NPHP4: variants seen among roughly 807,000 people sequenced by gnomAD.
NPHP4 encodes nephrocystin 4.
In NPHP4, 151 loss-of-function variants were observed where a neutral mutation model predicts 155.8. The ratio of observed to expected loss-of-function variants is 0.97; its 90% CI spans 0.85 to 1.11. The LOEUF is 1.11. Among genes scored for constraint, NPHP4 ranks in the 50% least tolerant of loss-of-function variants. The pLI is 0.00. For missense variants in NPHP4, 1,956 were observed against 1,925.7 expected (o/e 1.02, Z -0.29); for synonymous variants, 845 against 816.8 (o/e 1.03, Z -0.59).
chr1:5,865,250 G>A lies in NPHP4; in HGVS notation c.3668C>T (p.Thr1223Ile), dbSNP rs2100410280. 1.9e-6 allele frequency: 3 copies of A among 1,579,054 alleles called. No homozygotes were observed. The highest frequency in any genetic ancestry group is 2.6e-6 in the Non-Finnish European group (3 of 1,155,974). Residue 1223 changes from threonine (T) to isoleucine (I), a missense_variant, in exon 27 of 30, where the codon ACA becomes ATA. Transcript: ENST00000378156. The stretch of plus-strand genomic sequence containing the variant: ...GTGGAGGTAGACCTGCCACGTCTGT[G>A]TGGGTGTCGCCAGCCAGCGATCCCT... Reference protein sequence around the residue: ...IYSDRWLATPTQTWQVYLHSL... With the variant: ...IYSDRWLATPIQTWQVYLHSL...
chr1:5,983,208 G>A (rs1654992644), intron 2 of NPHP4, among the ~76,000 whole-genome samples: 1 of 152,208 alleles, frequency 6.6e-6, no homozygotes, highest in African/African-American at 2.4e-5. Flanking sequence ...TTATGAATCT[G>A]AATATAGTTC....
At position 5,964,941 on chromosome 1, in the gene NPHP4, A is replaced by ATTTTTTTTTTTTTTTTTTTTTT. The variant is rs55734317; in HGVS notation, c.517+2357_517+2358insAAAAAAAAAAAAAAAAAAAAAA. Among the ~76,000 whole-genome samples the ATTTTTTTTTTTTTTTTTTTTTT allele has an allele frequency of 6.7e-5, 4 of 59,418 alleles. 1 individual carries two copies. The East Asian group carries it at 1.5e-3, about 23-fold the overall frequency. The allele number at this position is 59,418 out of a possible 152,430, so 39.0% of individuals were successfully genotyped here. On this transcript the variant is annotated intron_variant, in intron 5 of 29. Coordinates refer to ENST00000378156, the MANE Select transcript of NPHP4 (RefSeq NM_015102.5). ...ATTATATATATATATATATATATAT[A>ATTTTTTTTTTTTTTTTTTTTTT]TTTTTTTTTTTTGAGGCAGGGTCTC...
intron 5 of NPHP4, among the ~76,000 whole-genome samples, chr1:5,963,930 T>C (rs34399687): frequency 0.17 from 26,177 of 152,108 alleles, 2,357 homozygotes; most frequent in African/African-American, 0.22. Context: ...TCAGGTGATC[T>C]GCCTGCCTTG....
At chr1:5,960,291 C>T (rs1650054220) in intron 6 of NPHP4, among the ~76,000 whole-genome samples, 1 of 152,148 alleles carries the variant, frequency 6.6e-6, no homozygotes, top group East Asian at 1.9e-4. Flanking sequence ...CTCACCCTCT[C>T]CTCCCTGGAA....
At chr1:5,900,244 C>T (rs1000703881) in intron 16 of NPHP4, among the ~76,000 whole-genome samples, 2 of 152,244 alleles carry the variant, frequency 1.3e-5, no homozygotes, top group African/African-American at 4.8e-5. Flanking sequence ...TATGTACACA[C>T]AACACCCTGT....
chr1:5,925,429 C>T (rs1645949703), intron 11 of NPHP4, among the ~76,000 whole-genome samples: 1 of 152,170 alleles, frequency 6.6e-6, no homozygotes, highest in Admixed American at 6.5e-5. Context: ...CGAGGGATAA[C>T]TCTAATCATG....
chr1:5,930,506 T>C (rs886264294), intron 10 of NPHP4, among the ~76,000 whole-genome samples: 1 of 152,258 alleles, frequency 6.6e-6, no homozygotes, highest in African/African-American at 2.4e-5. Flanking sequence ...TCACAATATC[T>C]TCTATTTTCC....
At position 5,889,938 on chromosome 1, in the gene NPHP4, G is replaced by A. The variant is rs1441868829; in HGVS notation, c.2304+930C>T. Among the ~76,000 whole-genome samples the A allele has an allele frequency of 6.6e-6, 1 of 152,246 alleles. No homozygotes were observed. The highest frequency in any genetic ancestry group is 1.5e-5 in the Non-Finnish European group (1 of 68,042). ...TCACAGGGAGCAGGGATGGAGCCTGGATCAGTCGGTCACACGGGGAGCCAA... is the reference window on the plus strand; with the variant it reads ...TCACAGGGAGCAGGGATGGAGCCTGAATCAGTCGGTCACACGGGGAGCCAA... On this transcript the variant is annotated intron_variant, in intron 17 of 29. Transcript: ENST00000378156. This position sits in a 1 kb window ranked among gnomAD's most constrained non-coding sequence, Gnocchi z 4.2.
At position 5,863,028 on chromosome 1, in the gene NPHP4, C is replaced by G. The variant is rs1333491971; in HGVS notation, c.*237G>C. 1 of 567,844 alleles carries G rather than the reference C, an allele frequency of 1.8e-6. No homozygotes were observed. The highest frequency in any genetic ancestry group is 1.9e-5 in the African/African-American group (1 of 53,452). The allele number at this position is 567,844 out of a possible 1,614,324, so 35.2% of individuals were successfully genotyped here. ...GCAGCACCAGAGCCAGACCCACCAC[C>G]ACGGAGTTCGCGCTCACGGAACCCA... On this transcript the variant is annotated 3_prime_UTR_variant, in exon 30 of 30. Transcript: ENST00000378156.
chr1:5,875,079 G>A lies in NPHP4; in HGVS notation c.2839C>T (p.Gln947Ter). Residue 947 changes from glutamine to a stop codon, truncating the protein, a stop_gained, in exon 21 of 30, where the codon CAG becomes TAG. Coordinates refer to ENST00000378156, the MANE Select transcript of NPHP4 (RefSeq NM_015102.5). LOFTEE classifies it high-confidence loss of function. Reference sequence around the variant, plus strand: ...ATGACCTGTAGGTCCCGCAAGTGCTGTGTGCGGACGCTCTGCTGCGCCTGC... The same window carrying A: ...ATGACCTGTAGGTCCCGCAAGTGCTATGTGCGGACGCTCTGCTGCGCCTGC... ...SVLAQQSVRT[Q>*]HLRDLQVIAA... 2 of 1,605,470 alleles carry A rather than the reference G, an allele frequency of 1.2e-6. No individual in the cohort carries two copies. Among genetic ancestry groups the A allele is most frequent in the Non-Finnish European group, 1.7e-6 (2 of 1,179,284 alleles).
rs116434524 is a variant in NPHP4, at chr1:5,932,629, T to C, written c.1302+518A>G. Among the ~76,000 whole-genome samples, 1,387 of 151,484 alleles carry C rather than the reference T, an allele frequency of 9.2e-3. 22 individuals carry two copies. The highest frequency in any genetic ancestry group is 0.031 in the African/African-American group (1,276 of 41,182). ...GCTCTACTTGTTTTTGCCGTCTTAATTGGGGTGCAGAGAACATTTCATTTC... is the reference window on the plus strand; with the variant it reads ...GCTCTACTTGTTTTTGCCGTCTTAACTGGGGTGCAGAGAACATTTCATTTC... On this transcript the variant is annotated intron_variant, in intron 10 of 29. Transcript: ENST00000378156.
chr1:5,957,620 ACAG>A (rs1371427346), intron 6 of NPHP4, among the ~76,000 whole-genome samples: 1 of 114,888 alleles, frequency 8.7e-6, no homozygotes, highest in East Asian at 2.4e-4. Context: ...GACCGCTGCA[ACAG>A]TGGGATATTT....
In NPHP4 at chr1:5,889,601, C is replaced by T. The variant is rs1239545383; in HGVS notation, c.2304+1267G>A. Among the ~76,000 whole-genome samples, 1 of 152,204 alleles carries T rather than the reference C, an allele frequency of 6.6e-6. No homozygotes were observed. The highest frequency in any genetic ancestry group is 1.5e-5 in the Non-Finnish European group (1 of 68,032). ...CATGCCCAGCGGGACCCGGCTCTGC[C>T]TCCCACACCGCCTGCCTCCTTTACG... On this transcript the variant is annotated intron_variant, in intron 17 of 29. Coordinates refer to ENST00000378156, the MANE Select transcript of NPHP4 (RefSeq NM_015102.5). The surrounding 1 kb of genome is among the most constrained non-coding windows in gnomAD (Gnocchi z 4.2).
intron 11 of NPHP4, among the ~76,000 whole-genome samples, chr1:5,921,320 C>T (rs1246752425): frequency 6.6e-6 from 1 of 152,232 alleles, no homozygotes; most frequent in Non-Finnish European, 1.5e-5. Context: ...CCCATGTCTC[C>T]TTATACACAT....
intron 9 of NPHP4, among the ~76,000 whole-genome samples, chr1:5,935,055 C>G (rs1329180738): frequency 6.6e-6 from 1 of 152,218 alleles, no homozygotes; most frequent in African/African-American, 2.4e-5. Flanking sequence ...ATGGTCTCTA[C>G]TGGGCTAAAC....
At chr1:5,903,897 C>T (rs1268219316) in intron 16 of NPHP4, among the ~76,000 whole-genome samples, 1 of 152,130 alleles carries the variant, frequency 6.6e-6, no homozygotes, top group Non-Finnish European at 1.5e-5. Context: ...ACGCCAAGGG[C>T]GCAGCGGAGG....
At chr1:5,885,265 C>T (rs1338624933) in intron 18 of NPHP4, among the ~76,000 whole-genome samples, 1 of 150,064 alleles carries the variant, frequency 6.7e-6, no homozygotes, top group Non-Finnish European at 1.5e-5. Context: ...CGTCCTACTC[C>T]GCAACCAAGA....
chr1:5,979,067 T>C (rs560252408), intron 2 of NPHP4, among the ~76,000 whole-genome samples: 155 of 149,930 alleles, frequency 1.0e-3, no homozygotes, highest in African/African-American at 3.9e-3. Context: ...AGCCAGAGTG[T>C]AGACAGGCAG....
At chr1:5,925,605 T>A (rs1645959725) in intron 11 of NPHP4, among the ~76,000 whole-genome samples, 1 of 151,878 alleles carries the variant, frequency 6.6e-6, no homozygotes, top group Admixed American at 6.6e-5. Context: ...GGGAATGGGT[T>A]TTTTTTTGTT....
Sources: gnomAD v4.1 joint callset for allele counts (sites outside exome capture counted in the v4.1 genomes callset) on GRCh38, gnomAD v4.1.1 for gene constraint, Gnocchi (gnomAD v3.1) non-coding constraint, MANE v1.5 for transcripts, NCBI Gene and HGNC (gene_info 2026-07-23, HGNC 2026-07-21) for gene names.